Variants in KDM2A observed in about 807,000 individuals in gnomAD.
KDM2A encodes lysine-specific demethylase 2A.
A neutral mutation model predicts 137.3 loss-of-function variants in KDM2A; 3 were observed. That is an observed-to-expected ratio of 0.02 (90% CI 0.01 to 0.06). The LOEUF is 0.06. Among genes scored for constraint, KDM2A ranks in the 10% least tolerant of loss-of-function variants. The pLI is 1.00. For synonymous variants in KDM2A, 512 were observed against 541.5 expected, an observed-to-expected ratio of 0.95 and a Z score of 0.76; for missense variants, 738 against 1,510.6, an observed-to-expected ratio of 0.49 and a Z score of 8.48.
chr11:67,234,771 T>C (rs1288977770), intron 12 of KDM2A, among the ~76,000 whole-genome samples: 4 of 152,182 alleles, frequency 2.6e-5, no homozygotes, highest in Non-Finnish European at 2.9e-5. Flanking sequence ...GAGGATCACT[T>C]GAGCTGGGCA....
intron 12 of KDM2A, among the ~76,000 whole-genome samples, chr11:67,236,287 C>T (rs191283152): frequency 1.1e-4 from 17 of 152,118 alleles, no homozygotes; most frequent in Admixed American, 4.6e-4. Context: ...TGTGCCACCA[C>T]GCCTGGCTAA....
intron 2 of KDM2A, among the ~76,000 whole-genome samples, chr11:67,173,716 T>C (rs1455476568): frequency 1.3e-5 from 2 of 152,080 alleles, no homozygotes; most frequent in African/African-American, 2.4e-5. Flanking sequence ...ATTTTTCTTT[T>C]TATTTATTTA....
chr11:67,242,005 C>T (rs753886232), intron 12 of KDM2A, among the ~76,000 whole-genome samples: 5 of 152,028 alleles, frequency 3.3e-5, no homozygotes, highest in Non-Finnish European at 5.9e-5. Flanking sequence ...GGAGGCGAGG[C>T]GGAGGTTGCA....
intron 2 of KDM2A, among the ~76,000 whole-genome samples, chr11:67,173,823 C>G (rs1856924827): frequency 6.6e-6 from 1 of 152,184 alleles, no homozygotes. Context: ...AACAATCCTG[C>G]TGTCCCAGTC....
chr11:67,236,159 C>T (rs1417334246), intron 12 of KDM2A, among the ~76,000 whole-genome samples: 1 of 152,076 alleles, frequency 6.6e-6, no homozygotes, highest in African/African-American at 2.4e-5. Flanking sequence ...GAGATGAAGT[C>T]TTGCTCTGTC....
chr11:67,189,914 A>G (rs1276573922), intron 5 of KDM2A, among the ~76,000 whole-genome samples: 1 of 152,214 alleles, frequency 6.6e-6, no homozygotes, highest in Non-Finnish European at 1.5e-5. Context: ...TACAACTTAA[A>G]TAACTAGAAA....
chr11:67,120,563 A>G (rs543033045), intron 1 of KDM2A, among the ~76,000 whole-genome samples: 9 of 152,076 alleles, frequency 5.9e-5, no homozygotes, highest in Admixed American at 5.2e-4. Context: ...CGTTTATTTT[A>G]TTACTTTATC....
intron 12 of KDM2A, among the ~76,000 whole-genome samples, chr11:67,239,541 G>T (rs547957447): frequency 6.6e-6 from 1 of 152,330 alleles, no homozygotes; most frequent in East Asian, 1.9e-4. Flanking sequence ...AGCAGGCAGT[G>T]TGCCGGAGAG....
intron 2 of KDM2A, among the ~76,000 whole-genome samples, chr11:67,152,897 A>G (rs562775019): frequency 6.9e-6 from 1 of 143,976 alleles, no homozygotes; most frequent in East Asian, 2.1e-4. Context: ...ATAGGATTAC[A>G]GTGCCAGAGT....
intron 2 of KDM2A, among the ~76,000 whole-genome samples, chr11:67,123,275 CTTTTTTTTTTTTT>C (rs575165830): frequency 4.2e-5 from 3 of 71,472 alleles, no homozygotes; most frequent in South Asian, 4.5e-4. Flanking sequence ...CAGTACCTGG[CTTTTTTTTTTTTT>C]TTTTTTTTTT....
At chr11:67,132,693 T>C (rs1183802539) in intron 2 of KDM2A, among the ~76,000 whole-genome samples, 2 of 152,344 alleles carry the variant, frequency 1.3e-5, no homozygotes, top group East Asian at 3.9e-4. Context: ...AGCTTGCCTT[T>C]TGAGGTGACA....
intron 5 of KDM2A, 122 bp from the exon 6 acceptor site, chr11:67,207,388 C>T (rs1256979556): frequency 9.1e-6 from 6 of 659,488 alleles, no homozygotes; most frequent in East Asian, 3.0e-5. Flanking sequence ...GAACTTTTTC[C>T]TTGTGTATTA....
chr11:67,119,346 A>AGCG lies in KDM2A; in HGVS notation c.-769_-767dup, dbSNP rs905596763. The stretch of plus-strand genomic sequence containing the variant: ...GAGGGAAACAACACCCCTCCCCGGC[A>AGCG]GCGGCGGCGGCGGCGGCGGCTCTCG... On this transcript the variant is annotated 5_prime_UTR_variant, in exon 1 of 21. Coordinates refer to ENST00000529006, the MANE Select transcript of KDM2A (RefSeq NM_012308.3). 2.9e-4 allele frequency: 49 copies of AGCG among 166,664 alleles called. No individual in the cohort carries two copies. Among genetic ancestry groups the AGCG allele is most frequent in the African/African-American group, 5.8e-4 (24 of 41,466 alleles). 10.3% of individuals were successfully genotyped at this position (166,664 alleles called of 1,614,324 possible).
At chr11:67,209,932 C>T (rs1363159568) in intron 6 of KDM2A, among the ~76,000 whole-genome samples, 1 of 152,050 alleles carries the variant, frequency 6.6e-6, no homozygotes. Context: ...TGGTGGCATG[C>T]ACCTGTAGTC....
chr11:67,227,199 G>A (rs1405644322), intron 10 of KDM2A, among the ~76,000 whole-genome samples: 1 of 152,162 alleles, frequency 6.6e-6, no homozygotes, highest in Non-Finnish European at 1.5e-5. Context: ...ATACCATTTT[G>A]GCAGACTACA....
At chr11:67,222,646 G>A (rs1858397666) in intron 10 of KDM2A, among the ~76,000 whole-genome samples, 1 of 112,378 alleles carries the variant, frequency 8.9e-6, no homozygotes, top group African/African-American at 3.5e-5. Flanking sequence ...CCCAGTAGGG[G>A]CGGCCGGGCA....
At chr11:67,178,177 G>A (rs12799792) in intron 2 of KDM2A, among the ~76,000 whole-genome samples, 26 of 152,210 alleles carry the variant, frequency 1.7e-4, no homozygotes, top group Non-Finnish European at 2.8e-4. Context: ...AGGCTGAGGC[G>A]TGCAGATCGC....
intron 12 of KDM2A, among the ~76,000 whole-genome samples, chr11:67,233,377 A>G (rs1858774103): frequency 6.9e-6 from 1 of 144,628 alleles, no homozygotes; most frequent in African/African-American, 2.6e-5. Flanking sequence ...AAAAAGGCTC[A>G]GTGCGATGTC....
chr11:67,198,122 G>A (rs1268284859), intron 5 of KDM2A, among the ~76,000 whole-genome samples: 1 of 152,088 alleles, frequency 6.6e-6, no homozygotes, highest in Non-Finnish European at 1.5e-5. Context: ...GCTGTCTCAG[G>A]AGTGGCAGGG....
Sources: gnomAD v4.1 joint callset for allele counts (sites outside exome capture counted in the v4.1 genomes callset) on GRCh38, gnomAD v4.1.1 for gene constraint, MANE v1.5 for transcripts, NCBI Gene and HGNC (gene_info 2026-07-23, HGNC 2026-07-21) for gene names.